Variants in LYPD6B observed in about 807,000 individuals in gnomAD.
LYPD6B encodes the protein LY6/PLAUR domain containing 6B, also known as ly6/PLAUR domain-containing protein 6B.
LYPD6B carries 17 observed loss-of-function variants against 22.8 expected under a neutral mutation model. That is an observed-to-expected ratio of 0.75 (90% CI 0.51 to 1.12). The LOEUF (loss-of-function observed/expected upper bound fraction) is 1.12, where lower values mean the gene tolerates loss of function less well. Ranked by LOEUF, LYPD6B falls within the 50% of genes most tolerant of loss-of-function variation. The pLI, the probability that LYPD6B is intolerant of heterozygous loss-of-function variation, is 0.00. For synonymous variants in LYPD6B, 106 were observed against 91.6 expected, an observed-to-expected ratio of 1.16 and a Z score of -0.90; for missense variants, 221 against 258.3, an observed-to-expected ratio of 0.86 and a Z score of 0.99.
At chr2:149,047,874 A>T (rs1171778471) in intron 1 of LYPD6B, among the ~76,000 whole-genome samples, 1 of 151,992 alleles carries the variant, frequency 6.6e-6, no homozygotes, top group Non-Finnish European at 1.5e-5. Flanking sequence ...TCTATTTTCA[A>T]GTTCAATGAT....
At chr2:149,135,862 T>C (rs1319116067) in intron 2 of LYPD6B, among the ~76,000 whole-genome samples, 1 of 152,072 alleles carries the variant, frequency 6.6e-6, no homozygotes, top group African/African-American at 2.4e-5. Flanking sequence ...TGATACCTTA[T>C]GTCACATTAA....
rs916959094 is a variant in LYPD6B, at chr2:149,160,928, C to G, written c.77+93C>G. ...ATGGACTCCTGAAAGTCCCGGGACCCTGTGTTTTTCCCATCTCCTTGGCAG... is the reference window on the plus strand; with the variant it reads ...ATGGACTCCTGAAAGTCCCGGGACCGTGTGTTTTTCCCATCTCCTTGGCAG... On this transcript the variant is annotated intron_variant, in intron 3 of 6. Coordinates refer to ENST00000409642, the MANE Select transcript of LYPD6B (RefSeq NM_177964.5). The G allele has an allele frequency of 3.2e-6, 3 of 924,396 alleles. No homozygotes were observed. The African/African-American group carries it at 4.9e-5, about 15-fold the overall frequency. 57.3% of individuals were successfully genotyped at this position (924,396 alleles called of 1,614,324 possible).
At chr2:149,183,133 A>T (rs529551178) in intron 3 of LYPD6B, among the ~76,000 whole-genome samples, 1 of 152,186 alleles carries the variant, frequency 6.6e-6, no homozygotes, top group Non-Finnish European at 1.5e-5. Context: ...TGATCAGTAA[A>T]ATTTAATTTT....
intron 3 of LYPD6B, among the ~76,000 whole-genome samples, chr2:149,185,082 G>C (rs6751737): frequency 1.3e-5 from 2 of 151,990 alleles, no homozygotes; most frequent in Non-Finnish European, 2.9e-5. Flanking sequence ...GCTCAAATGT[G>C]GTAAGAGAGG....
chr2:149,136,576 T>G (rs184386991), intron 2 of LYPD6B, among the ~76,000 whole-genome samples: 308 of 152,342 alleles, frequency 2.0e-3, no homozygotes, highest in African/African-American at 7.1e-3. Flanking sequence ...TTTTACTGTG[T>G]TCATAGGCTG....
At chr2:149,160,595 C>T (rs1689992579) in intron 2 of LYPD6B, 169 bp from the exon 3 acceptor site, 1 of 681,420 alleles carries the variant, frequency 1.5e-6, no homozygotes, top group Admixed American at 2.0e-5. Context: ...GACTTGATTC[C>T]AGGGATTTCA....
intron 5 of LYPD6B, among the ~76,000 whole-genome samples, chr2:149,210,871 A>C (rs1693806101): frequency 6.6e-6 from 1 of 152,180 alleles, no homozygotes; most frequent in Non-Finnish European, 1.5e-5. Flanking sequence ...GACACTCTAC[A>C]TTATATCACT....
chr2:149,092,555 A>G (rs1685706153), intron 1 of LYPD6B, among the ~76,000 whole-genome samples: 1 of 152,222 alleles, frequency 6.6e-6, no homozygotes, highest in African/African-American at 2.4e-5. Context: ...TTAGCTGAGC[A>G]CATGGCCACC....
rs61441741 is a variant in LYPD6B at position 149,147,906 on chromosome 2, CTGTGTG to C, written c.6-12828_6-12823del. Among the ~76,000 whole-genome samples, 113 of 139,104 alleles carry C rather than the reference CTGTGTG, an allele frequency of 8.1e-4. 1 individual carries two copies. In the South Asian group the frequency reaches 0.013, roughly 16 times the overall value. 91.3% of individuals were successfully genotyped at this position (139,104 alleles called of 152,430 possible). ...TGATTGCAAATTTATGCACATGGGC[CTGTGTG>C]TGTGTGTGTGTGTGTGTGTGTGTGT... is the stretch of plus-strand genomic sequence containing the variant. On this transcript the variant is annotated intron_variant, in intron 2 of 6. Coordinates refer to ENST00000409642, the MANE Select transcript of LYPD6B (RefSeq NM_177964.5).
At chr2:149,212,522 G>A (rs764172225) in intron 5 of LYPD6B, among the ~76,000 whole-genome samples, 4 of 151,998 alleles carry the variant, frequency 2.6e-5, no homozygotes, top group African/African-American at 7.3e-5. Context: ...TCACCACATG[G>A]CCTATTAGTA....
intron 1 of LYPD6B, among the ~76,000 whole-genome samples, chr2:149,043,613 G>A (rs575946684): frequency 1.3e-5 from 2 of 152,174 alleles, no homozygotes; most frequent in South Asian, 4.1e-4. Flanking sequence ...CCTTAACAAT[G>A]TCTTCTCAGA....
At chr2:149,100,588 C>G (rs773108227) in intron 1 of LYPD6B, among the ~76,000 whole-genome samples, 20 of 152,096 alleles carry the variant, frequency 1.3e-4, no homozygotes, top group African/African-American at 1.9e-4. Context: ...GAGTAGAGGA[C>G]CTTTTAGATT....
Position 149,215,259 on chromosome 2 carries a change from T to C in LYPD6B, c.*549T>C, listed in dbSNP as rs765963843. Reference sequence around the variant, plus strand: ...AATAAAGCTTTTAAATTATACAATGTAAATGCATGCTTGTGTGTTTCTTGA... The same window carrying C: ...AATAAAGCTTTTAAATTATACAATGCAAATGCATGCTTGTGTGTTTCTTGA... On this transcript the variant is annotated 3_prime_UTR_variant, in exon 7 of 7. Transcript: ENST00000409642. 6.5e-6 allele frequency: 1 copy of C among 154,084 alleles called. No individual in the cohort carries two copies. The highest frequency in any genetic ancestry group is 3.4e-3 in the Middle Eastern group (1 of 292). The allele number at this position is 154,084 out of a possible 1,614,324, so 9.5% of individuals were successfully genotyped here. A position where few individuals can be genotyped will look rare whatever the true frequency, so the allele number is the denominator to read the frequency against.
chr2:149,157,989 C>A (rs536456640), intron 2 of LYPD6B, among the ~76,000 whole-genome samples: 1 of 152,226 alleles, frequency 6.6e-6, no homozygotes, highest in East Asian at 1.9e-4. Flanking sequence ...AAGAGTTACA[C>A]GTAGCAGGGG....
chr2:149,131,389 AG>A (rs1202036786), intron 2 of LYPD6B: 1 of 158,416 alleles, frequency 6.3e-6, no homozygotes, highest in Non-Finnish European at 1.4e-5. Context: ...GATTGCCAAT[AG>A]GTCTAAATAA....
chr2:149,098,557 G>A (rs1686017162), intron 1 of LYPD6B, among the ~76,000 whole-genome samples: 1 of 150,170 alleles, frequency 6.7e-6, no homozygotes, highest in Non-Finnish European at 1.5e-5. Flanking sequence ...AACCTGGGAG[G>A]TGGAGGTTGC....
intron 2 of LYPD6B, among the ~76,000 whole-genome samples, chr2:149,149,592 C>A (rs1013292329): frequency 6.6e-6 from 1 of 152,240 alleles, no homozygotes; most frequent in African/African-American, 2.4e-5. Flanking sequence ...ATATTCCAAG[C>A]GGCCAGGGAA....
At chr2:149,149,940 A>G (rs1689264794) in intron 2 of LYPD6B, among the ~76,000 whole-genome samples, 1 of 152,222 alleles carries the variant, frequency 6.6e-6, no homozygotes, top group African/African-American at 2.4e-5. Context: ...TCTAAATAAC[A>G]TGCGTATACC....
intron 2 of LYPD6B, among the ~76,000 whole-genome samples, chr2:149,151,440 C>T (rs1470364446): frequency 6.6e-6 from 1 of 152,150 alleles, no homozygotes; most frequent in Non-Finnish European, 1.5e-5. Flanking sequence ...AGAGAACTCT[C>T]CAGTTAAATT....
Sources: gnomAD v4.1 joint callset for allele counts (sites outside exome capture counted in the v4.1 genomes callset) on GRCh38, gnomAD v4.1.1 for gene constraint, MANE v1.5 for transcripts, NCBI Gene and HGNC (gene_info 2026-07-23, HGNC 2026-07-21) for gene names.